GPATCH2L: variants seen among roughly 807,000 people sequenced by gnomAD.
The protein encoded by GPATCH2L is G patch domain-containing protein 2-like.
Under a neutral mutation model 57.4 loss-of-function variants are expected in GPATCH2L, and 31 were observed. The observed-to-expected ratio is 0.54, with a 90% CI of 0.41 to 0.73. The LOEUF is 0.73. GPATCH2L is among the 30% of genes least tolerant of loss of function. The probability of loss-of-function intolerance (pLI) is 0.00; values close to 1 mark genes in which losing one functional copy is unlikely to be tolerated. For synonymous variants in GPATCH2L, 199 were observed against 210.7 expected (o/e 0.94, Z 0.48); for missense variants, 481 against 599.9 (o/e 0.80, Z 2.07).
At chr14:76,161,610 A>G (rs563342952) in intron 2 of GPATCH2L, among the ~76,000 whole-genome samples, 4 of 152,312 alleles carry the variant, frequency 2.6e-5, no homozygotes, top group African/African-American at 9.6e-5. Context: ...CCCCCTGGCA[A>G]TTTTGGGAAT....
intron 2 of GPATCH2L, among the ~76,000 whole-genome samples, chr14:76,232,895 C>T (rs1217905717): frequency 6.6e-6 from 1 of 152,212 alleles, no homozygotes; most frequent in African/African-American, 2.4e-5. Flanking sequence ...GCTCTTTAGT[C>T]TCCAGCCCCT....
rs531714140 is a variant in GPATCH2L, at chr14:76,177,827, C to T, written c.1053-161C>T. ...ATTCCAACATCTTATCTTCTTCTCCCTTCTGTAATTTTCCTATCACTTCTT... is the reference window on the plus strand; with the variant it reads ...ATTCCAACATCTTATCTTCTTCTCCTTTCTGTAATTTTCCTATCACTTCTT... On this transcript the variant is annotated intron_variant, in intron 6 of 9. Transcript: ENST00000261530. 21 of 956,618 alleles carry T rather than the reference C, an allele frequency of 2.2e-5. No homozygotes were observed. In the African/African-American group the frequency reaches 2.9e-4, roughly 13 times the overall value. 59.3% of individuals were successfully genotyped at this position (956,618 alleles called of 1,614,324 possible). A position where few individuals can be genotyped will look rare whatever the true frequency, so the allele number is the denominator to read the frequency against.
intron 1 of GPATCH2L, among the ~76,000 whole-genome samples, chr14:76,226,463 A>C (rs542307355): frequency 6.6e-6 from 1 of 152,232 alleles, no homozygotes; most frequent in African/African-American, 2.4e-5. Flanking sequence ...CTGGAGGGAG[A>C]AAAAGGGCCT....
Position 76,176,702 on chromosome 14 carries a change from T to G in GPATCH2L, c.1052+12T>G. On this transcript the variant is annotated intron_variant, in intron 6 of 9. Transcript: ENST00000261530. Reference sequence around the variant, plus strand: ...CCTCGGCAGAAAGAGTAAGTGCTTATGTATTTACTGGCTGTGCTAGTCTGC... The same window carrying G: ...CCTCGGCAGAAAGAGTAAGTGCTTAGGTATTTACTGGCTGTGCTAGTCTGC... 1.3e-6 allele frequency: 2 copies of G among 1,554,792 alleles called. No homozygotes were observed. The highest frequency in any genetic ancestry group is 1.7e-5 in the Admixed American group (1 of 59,962).
At chr14:76,223,718 C>G (rs2040525155) in intron 1 of GPATCH2L, among the ~76,000 whole-genome samples, 1 of 152,102 alleles carries the variant, frequency 6.6e-6, no homozygotes, top group Non-Finnish European at 1.5e-5. Context: ...ATATAAAGAA[C>G]TCTTATGACT....
At chr14:76,169,391 G>A (rs2038985621) in intron 3 of GPATCH2L, among the ~76,000 whole-genome samples, 1 of 152,130 alleles carries the variant, frequency 6.6e-6, no homozygotes, top group Admixed American at 6.5e-5. Flanking sequence ...CAATTAAGGG[G>A]AAAACTCTCC....
intron 8 of GPATCH2L, among the ~76,000 whole-genome samples, chr14:76,186,299 G>C (rs2039764342): frequency 6.6e-6 from 1 of 152,110 alleles, no homozygotes; most frequent in South Asian, 2.1e-4. Context: ...AGTTGAAATA[G>C]GATAGGCTGA....
At chr14:76,225,509 T>TA (rs2040533465) in intron 1 of GPATCH2L, among the ~76,000 whole-genome samples, 1 of 151,854 alleles carries the variant, frequency 6.6e-6, no homozygotes, top group Non-Finnish European at 1.5e-5. Context: ...ATATTATGGT[T>TA]AAAAAAAGGA....
At chr14:76,219,141 T>G (rs956828195), downstream of GPATCH2L, among the ~76,000 whole-genome samples, 1 of 152,036 alleles carries the variant, frequency 6.6e-6, no homozygotes, top group Non-Finnish European at 1.5e-5. Context: ...CATTTCATCA[T>G]GGCAGTAGCA....
chr14:76,176,711 TGG>T, intron 6 of GPATCH2L, 21 bp downstream of exon 6: 1 of 1,526,536 alleles, frequency 6.6e-7, no homozygotes, highest in Non-Finnish European at 9.1e-7. Context: ...ATGTATTTAC[TGG>T]CTGTGCTAGT....
chr14:76,158,363 C>T (rs1211671799), intron 2 of GPATCH2L, among the ~76,000 whole-genome samples: 2 of 152,210 alleles, frequency 1.3e-5, no homozygotes, highest in African/African-American at 2.4e-5. Flanking sequence ...ATCAATATCC[C>T]TTCTGATACA....
At chr14:76,167,925 GC>G (rs1455799813) in intron 3 of GPATCH2L, among the ~76,000 whole-genome samples, 3 of 152,200 alleles carry the variant, frequency 2.0e-5, no homozygotes, top group Non-Finnish European at 2.9e-5. Context: ...AGGCTATGAT[GC>G]ATAAGTATAG....
intron 1 of GPATCH2L, among the ~76,000 whole-genome samples, chr14:76,221,158 C>T (rs898853560): frequency 6.7e-6 from 1 of 148,586 alleles, no homozygotes; most frequent in African/African-American, 2.5e-5. Flanking sequence ...ACTCTTAAAA[C>T]TCAGCAATAA....
At chr14:76,173,741 C>A in intron 5 of GPATCH2L, 116 bp downstream of exon 5, 1 of 719,176 alleles carries the variant, frequency 1.4e-6, no homozygotes, top group East Asian at 2.5e-5. Flanking sequence ...ATGGAGCCAA[C>A]TGGAATGTGT....
intron 2 of GPATCH2L, among the ~76,000 whole-genome samples, chr14:76,164,603 A>G (rs946074290): frequency 1.3e-5 from 2 of 152,198 alleles, no homozygotes; most frequent in East Asian, 3.8e-4. Flanking sequence ...TATAGATAGA[A>G]TATACAAATA....
intron 2 of GPATCH2L, among the ~76,000 whole-genome samples, chr14:76,155,728 A>G (rs1378891586): frequency 6.6e-6 from 1 of 152,216 alleles, no homozygotes; most frequent in Non-Finnish European, 1.5e-5. Context: ...AGGAACATTG[A>G]TACCCCCCAG....
In GPATCH2L at chr14:76,201,822, C is replaced by G; in HGVS notation, c.1420C>G (p.Pro474Ala). Residue 474 changes from proline (P) to alanine (A), a missense_variant, in exon 10 of 10, where the codon CCA becomes GCA. Coordinates refer to ENST00000261530, the MANE Select transcript of GPATCH2L (RefSeq NM_017926.4). ...DATTATFFKM[P>A]QEKSPGYS ...AACTACTGCTACATTTTTTAAAATG[C>G]CACAAGAAAAGAGCCCTGGATACAG... The G allele has an allele frequency of 6.2e-7, 1 of 1,614,000 alleles. No individual in the cohort carries two copies. Among genetic ancestry groups the G allele is most frequent in the Non-Finnish European group, 8.5e-7 (1 of 1,179,928 alleles).
intron 2 of GPATCH2L, among the ~76,000 whole-genome samples, chr14:76,231,582 G>A (rs1429527624): frequency 1.3e-5 from 2 of 149,088 alleles, no homozygotes; most frequent in Admixed American, 1.3e-4. Flanking sequence ...TTATGCTATG[G>A]AATCACCCCT....
At chr14:76,216,060 A>T (rs1168198182), downstream of GPATCH2L, among the ~76,000 whole-genome samples, 3 of 152,132 alleles carry the variant, frequency 2.0e-5, no homozygotes, top group East Asian at 1.9e-4. Flanking sequence ...TGGATGCAGG[A>T]GGTAAAGCAG....
Sources: allele counts gnomAD v4.1 joint callset (sites outside exome capture counted in the v4.1 genomes callset), GRCh38; gene constraint gnomAD v4.1.1; transcripts MANE v1.5; gene names NCBI Gene and HGNC (gene_info 2026-07-23, HGNC 2026-07-21).